TLL1: variants seen among roughly 807,000 people sequenced by gnomAD.
TLL1 encodes tolloid-like protein 1.
TLL1 carries 49 observed loss-of-function variants against 128.2 expected under a neutral mutation model. The ratio of observed to expected loss-of-function variants is 0.38; its 90% confidence interval spans 0.30 to 0.48. The LOEUF is 0.48. Among genes scored for constraint, TLL1 ranks in the 20% least tolerant of loss-of-function variants. The pLI is 0.96. For synonymous variants in TLL1, 454 were observed against 418.8 expected (o/e 1.08, Z -1.03); for missense variants, 1,123 against 1,242.0 (o/e 0.90, Z 1.44).
chr4:166,039,027 A>C (rs1739124404), intron 9 of TLL1, among the ~76,000 whole-genome samples: 1 of 152,194 alleles, frequency 6.6e-6, no homozygotes, highest in Non-Finnish European at 1.5e-5. Context: ...TATTTGAATA[A>C]AAATTTCTGT....
At chr4:166,027,898 T>C (rs1421630958) in intron 9 of TLL1, among the ~76,000 whole-genome samples, 2 of 152,138 alleles carry the variant, frequency 1.3e-5, no homozygotes, top group African/African-American at 4.8e-5. Flanking sequence ...TATGTATGAT[T>C]ATCTATAAAA....
At chr4:166,025,218 CT>C in intron 8 of TLL1, 97 bp from the exon 9 acceptor site, 1 of 831,492 alleles carries the variant, frequency 1.2e-6, no homozygotes, top group Non-Finnish European at 2.1e-6. Flanking sequence ...AACATTTAGT[CT>C]TGTCTACTAC....
intron 9 of TLL1, among the ~76,000 whole-genome samples, chr4:166,028,230 A>G (rs1293867724): frequency 3.3e-5 from 5 of 152,206 alleles, no homozygotes; most frequent in African/African-American, 1.2e-4. Flanking sequence ...CCACCAGCTC[A>G]AAATAGAGGA....
intron 9 of TLL1, among the ~76,000 whole-genome samples, chr4:166,032,714 A>G (rs1343363502): frequency 6.6e-6 from 1 of 152,160 alleles, no homozygotes; most frequent in Non-Finnish European, 1.5e-5. Flanking sequence ...GAAAAAGATT[A>G]TGTTGAATAC....
intron 20 of TLL1, among the ~76,000 whole-genome samples, chr4:166,099,855 A>T (rs552734651): frequency 4.7e-4 from 72 of 152,274 alleles, no homozygotes; most frequent in African/African-American, 1.6e-3. Context: ...CACACACACC[A>T]TAGACAATTC....
At chr4:165,935,414 G>C (rs1733718649) in intron 1 of TLL1, among the ~76,000 whole-genome samples, 1 of 152,194 alleles carries the variant, frequency 6.6e-6, no homozygotes, top group Admixed American at 6.5e-5. Flanking sequence ...ATTTAATGTA[G>C]TACTAATTTA....
intron 12 of TLL1, chr4:166,044,391 T>C: frequency 1.3e-6 from 2 of 1,535,586 alleles, no homozygotes; most frequent in Admixed American, 2.0e-5. Flanking sequence ...ATCCAGGGAT[T>C]GCCAGTAAAG....
chr4:166,044,075 A>G (rs1314282705), intron 12 of TLL1, among the ~76,000 whole-genome samples: 1 of 152,130 alleles, frequency 6.6e-6, no homozygotes, highest in Non-Finnish European at 1.5e-5. Flanking sequence ...GCCAAGAAAT[A>G]GAGGAATTTC....
At chr4:166,005,423 G>T (rs1737377966) in intron 6 of TLL1, among the ~76,000 whole-genome samples, 1 of 151,914 alleles carries the variant, frequency 6.6e-6, no homozygotes, top group Non-Finnish European at 1.5e-5. Context: ...AGCAATACTT[G>T]GTAGAGTATG....
At chr4:165,914,225 T>A (rs1732676796) in intron 1 of TLL1, among the ~76,000 whole-genome samples, 1 of 152,198 alleles carries the variant, frequency 6.6e-6, no homozygotes, top group African/African-American at 2.4e-5. Flanking sequence ...ATTCTTATGG[T>A]TTATTTATCC....
At chr4:165,913,013 A>G (rs1190667563) in intron 1 of TLL1, among the ~76,000 whole-genome samples, 1 of 152,136 alleles carries the variant, frequency 6.6e-6, no homozygotes, top group Non-Finnish European at 1.5e-5. Flanking sequence ...AATCATCACC[A>G]TGCCACATGA....
intron 16 of TLL1, among the ~76,000 whole-genome samples, chr4:166,066,924 C>T (rs115770200): frequency 0.01 from 1,568 of 151,776 alleles, 25 homozygotes; most frequent in South Asian, 0.031. Flanking sequence ...TAAGACTTCA[C>T]TATTTTATAA....
In TLL1 at chr4:166,100,928, A is replaced by G. The variant is rs527656950; in HGVS notation, c.*52A>G. 6.9e-6 allele frequency: 11 copies of G among 1,601,464 alleles called. No individual in the cohort carries two copies. The Admixed American group carries it at 8.5e-5, about 12-fold the overall frequency. ...GGAATGTGCATAATGGAGAGAAGAC[A>G]TATTTTTTTTAAAACTGAAGATATT... On this transcript the variant is annotated 3_prime_UTR_variant, in exon 21 of 21. Coordinates refer to ENST00000061240, the MANE Select transcript of TLL1 (RefSeq NM_012464.5).
At chr4:165,959,799 C>T (rs76069510) in intron 1 of TLL1, among the ~76,000 whole-genome samples, 7,624 of 152,104 alleles carry the variant, frequency 0.05, 285 homozygotes, top group Non-Finnish European at 0.069. Flanking sequence ...TTAGTGAAAA[C>T]GGAGACACAA....
chr4:165,873,780 CGGTCCCGCCGAGGAGCCTCCG>C lies in TLL1; in HGVS notation c.-121_-101del, dbSNP rs759998106. 203 of 1,071,860 alleles carry C rather than the reference CGGTCCCGCCGAGGAGCCTCCG, an allele frequency of 1.9e-4. No homozygotes were observed. Among genetic ancestry groups the C allele is most frequent in the Non-Finnish European group, 2.7e-4 (192 of 715,664 alleles). 66.4% of individuals were successfully genotyped at this position (1,071,860 alleles called of 1,614,324 possible). A position where few individuals can be genotyped will look rare whatever the true frequency, so the allele number is the denominator to read the frequency against. On this transcript the variant is annotated 5_prime_UTR_variant, in exon 1 of 21. Coordinates refer to ENST00000061240, the MANE Select transcript of TLL1 (RefSeq NM_012464.5). ...CATGTTTCCGGACACCTGAGCACCC[CGGTCCCGCCGAGGAGCCTCCG>C]GGTGGGGAGAAGAGCACCGGTGCCC...
chr4:165,907,532 G>A (rs1732317877), intron 1 of TLL1, among the ~76,000 whole-genome samples: 1 of 151,306 alleles, frequency 6.6e-6, no homozygotes, highest in African/African-American at 2.4e-5. Context: ...CGTAGAGTAA[G>A]ATTAATTTAA....
intron 10 of TLL1, among the ~76,000 whole-genome samples, chr4:166,041,419 G>A (rs998889451): frequency 6.6e-6 from 1 of 151,534 alleles, no homozygotes; most frequent in Admixed American, 6.6e-5. Context: ...TCCTGCCTCA[G>A]CCTTCCGAGT....
chr4:165,996,632 A>T (rs1736891799), intron 5 of TLL1, among the ~76,000 whole-genome samples: 1 of 150,098 alleles, frequency 6.7e-6, no homozygotes, highest in Non-Finnish European at 1.5e-5. Context: ...ACAAACAAAC[A>T]TTATGTAAGT....
intron 4 of TLL1, among the ~76,000 whole-genome samples, 163 bp from the exon 5 acceptor site, chr4:165,994,898 G>A (rs1346412150): frequency 6.6e-6 from 1 of 152,146 alleles, no homozygotes; most frequent in Non-Finnish European, 1.5e-5. Context: ...GTGAGTGTCC[G>A]TTCTTAACAA....
Sources: gnomAD v4.1 joint callset for allele counts (sites outside exome capture counted in the v4.1 genomes callset) on GRCh38, gnomAD v4.1.1 for gene constraint, MANE v1.5 for transcripts, NCBI Gene and HGNC (gene_info 2026-07-23, HGNC 2026-07-21) for gene names.